Variants in POU6F2 observed in about 807,000 individuals in gnomAD.
POU6F2 encodes POU class 6 homeobox 2, also known as POU domain, class 6, transcription factor 2.
A neutral mutation model predicts 71.3 loss-of-function variants in POU6F2; 31 were observed. The ratio of observed to expected loss-of-function variants is 0.43; its 90% confidence interval spans 0.33 to 0.59. The LOEUF (loss-of-function observed/expected upper bound fraction) is 0.59. POU6F2 is among the 20% of genes least tolerant of loss of function. The pLI is 0.04. For missense variants in POU6F2, 783 were observed against 856.8 expected, an observed-to-expected ratio of 0.91 and a Z score of 1.07; for synonymous variants, 347 against 355.7, an observed-to-expected ratio of 0.98 and a Z score of 0.27.
intron 4 of POU6F2, among the ~76,000 whole-genome samples, chr7:39,213,820 C>T (rs899245648): frequency 2.0e-5 from 3 of 152,210 alleles, no homozygotes; most frequent in Non-Finnish European, 1.5e-5. Flanking sequence ...CACGGAGGTT[C>T]CTTGATTGGG....
At chr7:39,070,957 G>A (rs1031990016) in intron 1 of POU6F2, among the ~76,000 whole-genome samples, 1 of 152,132 alleles carries the variant, frequency 6.6e-6, no homozygotes, top group Admixed American at 6.5e-5. Context: ...ATGGTATATA[G>A]CAGTGGTCCC....
At chr7:39,007,352 T>A (rs1421268353) in intron 1 of POU6F2, among the ~76,000 whole-genome samples, 1 of 152,132 alleles carries the variant, frequency 6.6e-6, no homozygotes, top group Non-Finnish European at 1.5e-5. Context: ...GGGGGGAAGT[T>A]GGGTCAGTAA....
intron 5 of POU6F2, among the ~76,000 whole-genome samples, chr7:39,371,599 C>T (rs912110137): frequency 1.3e-5 from 2 of 152,176 alleles, no homozygotes; most frequent in Non-Finnish European, 2.9e-5. Context: ...ATCAAGTCCA[C>T]TGGCTATTCT....
chr7:39,191,285 A>G (rs566055118), intron 2 of POU6F2, among the ~76,000 whole-genome samples: 1 of 152,354 alleles, frequency 6.6e-6, no homozygotes, highest in South Asian at 2.1e-4. Flanking sequence ...CATGAATTTT[A>G]CATCAATAAC....
intron 2 of POU6F2, among the ~76,000 whole-genome samples, chr7:39,202,211 T>C (rs4720314): frequency 0.38 from 57,259 of 152,044 alleles, 11,116 homozygotes; most frequent in South Asian, 0.49. Context: ...ACACAGTGCC[T>C]GTGTGAGACC....
intron 5 of POU6F2, among the ~76,000 whole-genome samples, chr7:39,397,479 CAT>C (rs138498102): frequency 0.41 from 57,821 of 142,242 alleles, 11,779 homozygotes; most frequent in Middle Eastern, 0.48. Flanking sequence ...TAGAGAGAGA[CAT>C]ATATATATAT....
chr7:39,378,259 T>G (rs1740312622), intron 5 of POU6F2, among the ~76,000 whole-genome samples: 1 of 152,154 alleles, frequency 6.6e-6, no homozygotes, highest in African/African-American at 2.4e-5. Context: ...TTTCTCGAAT[T>G]TATTCCCTTC....
chr7:39,084,425 A>G (rs895260984), intron 1 of POU6F2, among the ~76,000 whole-genome samples: 1 of 152,198 alleles, frequency 6.6e-6, no homozygotes, highest in African/African-American at 2.4e-5. Flanking sequence ...CTATCAAGGT[A>G]TTCAAAAGGG....
chr7:39,236,667 A>G (rs1359649487), intron 4 of POU6F2, among the ~76,000 whole-genome samples: 7 of 152,170 alleles, frequency 4.6e-5, no homozygotes, highest in Non-Finnish European at 1.0e-4. Context: ...GGAACATGAT[A>G]AGCGTATAAG....
At chr7:39,239,768 G>A (rs1014044592) in intron 4 of POU6F2, among the ~76,000 whole-genome samples, 2 of 152,030 alleles carry the variant, frequency 1.3e-5, no homozygotes, top group Non-Finnish European at 2.9e-5. Flanking sequence ...TATGACAACT[G>A]TTTTCCTTAG....
chr7:39,327,742 A>G (rs977618065), intron 4 of POU6F2, among the ~76,000 whole-genome samples: 5 of 151,862 alleles, frequency 3.3e-5, no homozygotes, highest in Admixed American at 3.3e-4. Context: ...AAATTTCTTC[A>G]TTTGTAAAAC....
At chr7:38,993,366 T>C (rs1252019783) in intron 1 of POU6F2, among the ~76,000 whole-genome samples, 2 of 152,150 alleles carry the variant, frequency 1.3e-5, no homozygotes, top group East Asian at 1.9e-4. Context: ...TGTTGATTGG[T>C]TTCATTTATT....
At chr7:39,060,189 C>T (rs1256037162) in intron 1 of POU6F2, among the ~76,000 whole-genome samples, 1 of 150,946 alleles carries the variant, frequency 6.6e-6, no homozygotes, top group Non-Finnish European at 1.5e-5. Context: ...GCCTGGGCAA[C>T]AGAGCAAAAT....
intron 2 of POU6F2, among the ~76,000 whole-genome samples, chr7:39,100,956 T>A (rs971056536): frequency 3.9e-5 from 6 of 152,212 alleles, no homozygotes; most frequent in African/African-American, 1.4e-4. Flanking sequence ...ATGAATTGGG[T>A]CTAGCCTTCT....
chr7:39,195,429 C>T (rs1471893224), intron 2 of POU6F2, among the ~76,000 whole-genome samples: 1 of 152,196 alleles, frequency 6.6e-6, no homozygotes, highest in African/African-American at 2.4e-5. Context: ...TTAGTACCCT[C>T]CTTGCTGCTG....
intron 2 of POU6F2, among the ~76,000 whole-genome samples, chr7:39,158,051 C>T (rs2128735942): frequency 6.6e-6 from 1 of 152,242 alleles, no homozygotes; most frequent in South Asian, 2.1e-4. Flanking sequence ...TTATTTTTTC[C>T]AACTTCAGCA....
intron 2 of POU6F2, among the ~76,000 whole-genome samples, chr7:39,191,648 G>A (rs1273657818): frequency 6.6e-6 from 1 of 152,186 alleles, no homozygotes; most frequent in Non-Finnish European, 1.5e-5. Flanking sequence ...AACAAGTTCT[G>A]TGGAGCTTTT....
chr7:39,191,038 C>G (rs931947767), intron 2 of POU6F2, among the ~76,000 whole-genome samples: 7 of 152,184 alleles, frequency 4.6e-5, no homozygotes, highest in Non-Finnish European at 7.3e-5. Flanking sequence ...ACGTCAAAAT[C>G]TCCAGTTTGT....
chr7:39,460,480 G>C lies in POU6F2; in HGVS notation c.1490-67G>C. On this transcript the variant is annotated intron_variant, in intron 8 of 9. Coordinates refer to ENST00000518318, the MANE Select transcript of POU6F2 (RefSeq NM_001370959.1). The surrounding 1 kb of genome is among the most constrained non-coding windows in gnomAD (Gnocchi z 4.4). ...AAAGAGAGCCACTTTCTTATAAACC[G>C]TAATAAACAGATATTGCTCGGCTGT... is the stretch of plus-strand genomic sequence containing the variant. 6.5e-7 allele frequency: 1 copy of C among 1,544,246 alleles called. No homozygotes were observed. The highest frequency in any genetic ancestry group is 8.8e-7 in the Non-Finnish European group (1 of 1,133,684).
Sources: allele counts gnomAD v4.1 joint callset (sites outside exome capture counted in the v4.1 genomes callset), GRCh38; gene constraint gnomAD v4.1.1; non-coding constraint Gnocchi (gnomAD v3.1); transcripts MANE v1.5; gene names NCBI Gene and HGNC (gene_info 2026-07-23, HGNC 2026-07-21).